Variants in RCN3 observed in about 807,000 individuals in gnomAD.
RCN3 encodes reticulocalbin 3, also known as reticulocalbin-3.
RCN3 carries 41 observed loss-of-function variants against 35.9 expected under a neutral mutation model. The ratio of observed to expected loss-of-function variants is 1.14; its 90% CI spans 0.89 to 1.48. The LOEUF (loss-of-function observed/expected upper bound fraction) is 1.48. RCN3 is among the 40% of genes most tolerant of loss of function. The pLI is 0.00. For synonymous variants in RCN3, 187 were observed against 193.4 expected (o/e 0.97, Z 0.27); for missense variants, 451 against 471.3 (o/e 0.96, Z 0.40).
chr19:49,532,207 G>T (rs112795707), intron 2 of RCN3, among the ~76,000 whole-genome samples: 1 of 139,820 alleles, frequency 7.2e-6, no homozygotes, highest in Non-Finnish European at 1.5e-5. Context: ...CCAGGTTCAC[G>T]CCATTCTCCT....
At chr19:49,536,945 C>T (rs2080138534) in intron 3 of RCN3, 88 bp from the exon 4 acceptor site, 3 of 1,248,338 alleles carry the variant, frequency 2.4e-6, no homozygotes, top group Middle Eastern at 2.0e-4. Flanking sequence ...AATCTTTGTA[C>T]CCCAGTAGGA....
intron 2 of RCN3, among the ~76,000 whole-genome samples, chr19:49,533,076 G>C (rs2080116827): frequency 6.6e-6 from 1 of 152,194 alleles, no homozygotes; most frequent in Admixed American, 6.5e-5. Flanking sequence ...AGGGGTAACT[G>C]AGACACAGAG....
chr19:49,532,503 G>C (rs1378013568), intron 2 of RCN3, among the ~76,000 whole-genome samples: 1 of 151,708 alleles, frequency 6.6e-6, no homozygotes, highest in East Asian at 1.9e-4. Context: ...AGCCTCCCGA[G>C]TAGTGGATAT....
At chr19:49,542,949 GAGA>G (rs2080170674) in intron 6 of RCN3, among the ~76,000 whole-genome samples, 154 bp from the exon 7 acceptor site, 5 of 151,274 alleles carry the variant, frequency 3.3e-5, no homozygotes, top group Admixed American at 2.6e-4. Flanking sequence ...GACCCAAAGA[GAGA>G]AGGACAGGGA....
At chr19:49,540,419 G>A (rs1323671833) in intron 5 of RCN3, among the ~76,000 whole-genome samples, 1 of 152,032 alleles carries the variant, frequency 6.6e-6, no homozygotes, top group African/African-American at 2.4e-5. Flanking sequence ...GGATCATGAA[G>A]TCAGGAGTTC....
chr19:49,539,852 A>G (rs2080155207), intron 5 of RCN3, among the ~76,000 whole-genome samples: 1 of 149,288 alleles, frequency 6.7e-6, no homozygotes, highest in Non-Finnish European at 1.5e-5. Flanking sequence ...CCTCCTGAGT[A>G]GCTGGGATTA....
At position 49,542,544 on chromosome 19, in the gene RCN3, G is replaced by T. The variant is rs367777721; in HGVS notation, c.680-9G>T. 28 of 1,575,920 alleles carry T rather than the reference G, an allele frequency of 1.8e-5. No homozygotes were observed. The East Asian group carries it at 2.1e-4, about 12-fold the overall frequency. On this transcript the variant is annotated splice_polypyrimidine_tract_variant and intron_variant, in intron 5 of 6. Coordinates refer to ENST00000270645, the MANE Select transcript of RCN3 (RefSeq NM_020650.3). The stretch of plus-strand genomic sequence containing the variant: ...CCCCTGACCTTGTCCCCTCTGTCCC[G>T]GCCCCCAGCGGATCTGTACTCAGCC...
At chr19:49,538,279 C>T (rs1019310360) in intron 4 of RCN3, among the ~76,000 whole-genome samples, 4 of 151,490 alleles carry the variant, frequency 2.6e-5, no homozygotes, top group African/African-American at 9.7e-5. Context: ...TCTTCTGCCT[C>T]AGCCTCCCGA....
intron 5 of RCN3, among the ~76,000 whole-genome samples, chr19:49,542,300 C>T (rs139112904): frequency 1.4e-4 from 21 of 152,320 alleles, no homozygotes; most frequent in African/African-American, 3.6e-4. Flanking sequence ...CACTACTTCA[C>T]GTGTGTGTCA....
At chr19:49,537,888 C>T (rs1466339564) in intron 4 of RCN3, among the ~76,000 whole-genome samples, 1 of 152,090 alleles carries the variant, frequency 6.6e-6, no homozygotes. Flanking sequence ...ATCTGCCCAC[C>T]TTGGCCTCCC....
intron 4 of RCN3, 67 bp downstream of exon 4, chr19:49,537,272 C>T: frequency 2.1e-6 from 3 of 1,410,484 alleles, no homozygotes; most frequent in Non-Finnish European, 2.8e-6. Flanking sequence ...GGTTCAGGTC[C>T]TGCTTCCCAG....
chr19:49,540,964 A>G (rs1276779952), intron 5 of RCN3, among the ~76,000 whole-genome samples: 2 of 107,870 alleles, frequency 1.9e-5, no homozygotes, highest in South Asian at 5.7e-4. Flanking sequence ...GAGTCTCGCT[A>G]TTGTCGCCCA....
rs1601205015 is a variant in RCN3 at position 49,528,585 on chromosome 19, C to T, written c.113C>T (p.Ala38Val). 1.9e-6 allele frequency: 3 copies of T among 1,608,022 alleles called. No homozygotes were observed. Among genetic ancestry groups the T allele is most frequent in the East Asian group, 2.3e-5 (1 of 44,180 alleles). Residue 38 changes from alanine to valine, a missense_variant, in exon 2 of 7, where the codon GCC becomes GTC. Coordinates refer to ENST00000270645, the MANE Select transcript of RCN3 (RefSeq NM_020650.3). Reference sequence around the variant, plus strand: ...GGCCAGGGGAGGGTGCACCAGGCGGCCCCCCTGAGCGACGCTCCCCATGAT... The same window carrying T: ...GGCCAGGGGAGGGTGCACCAGGCGGTCCCCCTGAGCGACGCTCCCCATGAT... ...PHGQGRVHQA[A>V]PLSDAPHDDA...
intron 5 of RCN3, among the ~76,000 whole-genome samples, chr19:49,541,937 G>A (rs57032621): frequency 2.0e-5 from 3 of 151,592 alleles, no homozygotes; most frequent in Non-Finnish European, 4.4e-5. Flanking sequence ...CTGAGATTGC[G>A]CCATTGCACT....
Position 49,543,093 on chromosome 19 carries a change from A to G in RCN3, c.880-13A>G. 2 of 1,610,712 alleles carry G rather than the reference A, an allele frequency of 1.2e-6. No individual in the cohort carries two copies. Among genetic ancestry groups the G allele is most frequent in the Non-Finnish European group, 1.7e-6 (2 of 1,177,164 alleles). On this transcript the variant is annotated splice_polypyrimidine_tract_variant and intron_variant, in intron 6 of 6. Coordinates refer to ENST00000270645, the MANE Select transcript of RCN3 (RefSeq NM_020650.3). ...GCCGTGTTGTCCCCTCTGAACCCTG[A>G]CCCTCCCTCCAGGATGGGCGGCTGA...
rs1359504468 is a variant in RCN3 at position 49,543,391 on chromosome 19, C to T, written c.*178C>T. 2 of 616,268 alleles carry T rather than the reference C, an allele frequency of 3.2e-6. No individual in the cohort carries two copies. The highest frequency in any genetic ancestry group is 1.8e-5 in the African/African-American group (1 of 54,174). 38.2% of individuals were successfully genotyped at this position (616,268 alleles called of 1,614,324 possible). A position where few individuals can be genotyped will look rare whatever the true frequency, so the allele number is the denominator to read the frequency against. On this transcript the variant is annotated 3_prime_UTR_variant, in exon 7 of 7. Coordinates refer to ENST00000270645, the MANE Select transcript of RCN3 (RefSeq NM_020650.3). ...GCTTCTGTCCCTGTCACACCCCCAA[C>T]CCCAGGGAGGGGCTGTCATAGTCCC...
At chr19:49,528,960 TC>T (rs1476422915) in intron 2 of RCN3, among the ~76,000 whole-genome samples, 38 of 152,234 alleles carry the variant, frequency 2.5e-4, no homozygotes, top group African/African-American at 8.7e-4. Flanking sequence ...GGCAGGCCGA[TC>T]ACTTGAGGTC....
In RCN3 at chr19:49,542,582, G is replaced by A. The variant is rs1447224298; in HGVS notation, c.709G>A (p.Glu237Lys). The change falls in exon 6 of 7, where the codon GAG becomes AAG. Residue 237 changes from glutamate to lysine, a missense_variant. Coordinates refer to ENST00000270645, the MANE Select transcript of RCN3 (RefSeq NM_020650.3). ...TCTGTACTCAGCCGAGCCTGGGGAG[G>A]AGGAGCCGGCGTGGGTGCAGACGGA... is the stretch of plus-strand genomic sequence containing the variant. ...ADLYSAEPGE[E>K]EPAWVQTERQ... 1 of 1,607,096 alleles carries A rather than the reference G, an allele frequency of 6.2e-7. No homozygotes were observed. The highest frequency in any genetic ancestry group is 1.7e-5 in the Admixed American group (1 of 58,558).
intron 2 of RCN3, among the ~76,000 whole-genome samples, chr19:49,530,165 C>CTT (rs1372486487): frequency 2.9e-5 from 4 of 140,248 alleles, no homozygotes; most frequent in South Asian, 2.3e-4. Context: ...TTTTTCTTTC[C>CTT]TTTTTTTTTT....
Sources: allele counts gnomAD v4.1 joint callset (sites outside exome capture counted in the v4.1 genomes callset), GRCh38; gene constraint gnomAD v4.1.1; transcripts MANE v1.5; gene names NCBI Gene and HGNC (gene_info 2026-07-23, HGNC 2026-07-21).